Variants in EXOC4 observed in about 807,000 individuals in gnomAD.
EXOC4 encodes the protein exocyst complex component 4.
Under a neutral mutation model 107.2 loss-of-function variants are expected in EXOC4, and 71 were observed. That is an observed-to-expected ratio of 0.66 (90% CI 0.55 to 0.81). EXOC4 has a LOEUF of 0.81. EXOC4 is among the 30% of genes least tolerant of loss of function. The pLI, the probability that EXOC4 is intolerant of heterozygous loss-of-function variation, is 0.00. For missense variants in EXOC4, 1,108 were observed against 1,189.6 expected (o/e 0.93, Z 1.01); for synonymous variants, 456 against 441.2 (o/e 1.03, Z -0.42).
intron 9 of EXOC4, among the ~76,000 whole-genome samples, chr7:133,520,720 C>A (rs537109481): frequency 6.6e-6 from 1 of 152,122 alleles, no homozygotes; most frequent in African/African-American, 2.4e-5. Context: ...GTTGCTGAAG[C>A]CCTACCTTCA....
chr7:133,537,908 T>A (rs1800305129), intron 9 of EXOC4, among the ~76,000 whole-genome samples: 1 of 152,220 alleles, frequency 6.6e-6, no homozygotes. Context: ...TTGATCACAA[T>A]AATACATATT....
intron 6 of EXOC4, among the ~76,000 whole-genome samples, chr7:133,365,746 C>G (rs962439497): frequency 6.6e-6 from 1 of 152,102 alleles, no homozygotes; most frequent in South Asian, 2.1e-4. Context: ...GGCTCCATGT[C>G]CTATTTGAAA....
At chr7:134,094,531 C>T in the EXOC4 span, among the ~76,000 whole-genome samples, 2 of 151,956 alleles carry the variant, frequency 1.3e-5, no homozygotes, top group South Asian at 2.1e-4. Context: ...TTTAAAAAAT[C>T]GAAGAGGAGA....
At chr7:133,934,645 A>G (rs780936400) in intron 13 of EXOC4, among the ~76,000 whole-genome samples, 3 of 152,148 alleles carry the variant, frequency 2.0e-5, no homozygotes, top group Non-Finnish European at 4.4e-5. Flanking sequence ...TAATATGCAT[A>G]AAAATGGCTC....
chr7:134,087,215 G>C, the EXOC4 span, among the ~76,000 whole-genome samples: 1 of 152,042 alleles, frequency 6.6e-6, no homozygotes, highest in Non-Finnish European at 1.5e-5. Context: ...CCTTTTAAAA[G>C]ACAACCCTAA....
chr7:133,885,280 C>T (rs1290609237), intron 11 of EXOC4, among the ~76,000 whole-genome samples: 2 of 150,590 alleles, frequency 1.3e-5, no homozygotes, highest in Non-Finnish European at 2.9e-5. Context: ...CGCTGCTGCA[C>T]TCCAGCCTGG....
At chr7:133,746,033 G>A (rs1407948416) in intron 10 of EXOC4, among the ~76,000 whole-genome samples, 1 of 151,966 alleles carries the variant, frequency 6.6e-6, no homozygotes, top group Non-Finnish European at 1.5e-5. Flanking sequence ...TTTGTTAAAG[G>A]CTTAAAATAG....
chr7:134,085,668 T>A, the EXOC4 span, among the ~76,000 whole-genome samples: 2 of 152,212 alleles, frequency 1.3e-5, no homozygotes, highest in African/African-American at 4.8e-5. Flanking sequence ...TCACAGGATG[T>A]TGTTGTCATT....
chr7:133,496,107 C>T (rs1799472097), intron 9 of EXOC4, among the ~76,000 whole-genome samples: 2 of 152,128 alleles, frequency 1.3e-5, no homozygotes, highest in Admixed American at 1.3e-4. Context: ...GCTATACAGA[C>T]TATCTGCCAA....
At chr7:133,717,466 A>G (rs1795022150) in intron 10 of EXOC4, among the ~76,000 whole-genome samples, 1 of 152,270 alleles carries the variant, frequency 6.6e-6, no homozygotes, top group Middle Eastern at 3.4e-3. Flanking sequence ...GAGGTCCTCC[A>G]TGATGTGCTC....
the EXOC4 span, among the ~76,000 whole-genome samples, chr7:134,078,602 C>A: frequency 1.3e-5 from 2 of 152,146 alleles, no homozygotes; most frequent in African/African-American, 2.4e-5. Context: ...TTTCTACCCT[C>A]CTCCCCAACA....
chr7:134,052,288 A>T (rs1795816262), intron 17 of EXOC4, among the ~76,000 whole-genome samples: 1 of 152,148 alleles, frequency 6.6e-6, no homozygotes, highest in Non-Finnish European at 1.5e-5. Flanking sequence ...GAGAAGGAGG[A>T]TGTTTGAAGC....
At chr7:133,686,416 G>A (rs1026163633) in intron 10 of EXOC4, among the ~76,000 whole-genome samples, 3 of 152,044 alleles carry the variant, frequency 2.0e-5, no homozygotes, top group African/African-American at 7.2e-5. Flanking sequence ...TAGTCCTATA[G>A]ACAGTTGTTT....
chr7:133,724,651 G>A (rs541686068), intron 10 of EXOC4, among the ~76,000 whole-genome samples: 12 of 151,968 alleles, frequency 7.9e-5, no homozygotes, highest in Non-Finnish European at 1.3e-4. Flanking sequence ...TAGATCATTT[G>A]GTGACAAGCA....
chr7:133,482,471 A>C (rs1359784665), intron 9 of EXOC4, among the ~76,000 whole-genome samples: 4 of 152,162 alleles, frequency 2.6e-5, no homozygotes, highest in Non-Finnish European at 5.9e-5. Context: ...ATGAGTGAGA[A>C]TGGAGAGCAC....
chr7:133,615,660 A>C (rs1030444550), intron 9 of EXOC4, among the ~76,000 whole-genome samples: 9 of 152,112 alleles, frequency 5.9e-5, no homozygotes, highest in Non-Finnish European at 1.0e-4. Flanking sequence ...ATTGAGATAA[A>C]AAGTGTTTAT....
intron 11 of EXOC4, among the ~76,000 whole-genome samples, chr7:133,832,083 A>G (rs1797822886): frequency 6.6e-6 from 1 of 152,218 alleles, no homozygotes; most frequent in South Asian, 2.1e-4. Context: ...GCAGTGTCAG[A>G]ATAGTTAACC....
intron 7 of EXOC4, among the ~76,000 whole-genome samples, chr7:133,401,923 C>A (rs1245913892): frequency 6.6e-6 from 1 of 152,130 alleles, no homozygotes; most frequent in Admixed American, 6.6e-5. Context: ...AACACATTAA[C>A]TGTGCCTTCA....
At chr7:133,455,607 C>T (rs184315462) in intron 7 of EXOC4, among the ~76,000 whole-genome samples, 1 of 152,292 alleles carries the variant, frequency 6.6e-6, no homozygotes, top group Admixed American at 6.5e-5. Context: ...TCTTTGAAAG[C>T]TGTTCTAGAG....
Sources: gnomAD v4.1 joint callset for allele counts (sites outside exome capture counted in the v4.1 genomes callset) on GRCh38, gnomAD v4.1.1 for gene constraint, MANE v1.5 for transcripts, NCBI Gene and HGNC (gene_info 2026-07-23, HGNC 2026-07-21) for gene names.